HMBOX1: variants seen among roughly 807,000 people sequenced by gnomAD.
The protein encoded by HMBOX1 is homeobox-containing protein 1.
In HMBOX1, 14 loss-of-function variants were observed where a neutral mutation model predicts 54.5. That is an observed-to-expected ratio of 0.26 (90% CI 0.17 to 0.40). The LOEUF is 0.40. HMBOX1 is among the 10% of genes least tolerant of loss of function. The pLI is 1.00. For missense variants in HMBOX1, 332 were observed against 514.4 expected, an observed-to-expected ratio of 0.65 and a Z score of 3.43; for synonymous variants, 160 against 181.0, an observed-to-expected ratio of 0.88 and a Z score of 0.93.
At chr8:28,920,179 G>A (rs892614327) in intron 1 of HMBOX1, among the ~76,000 whole-genome samples, 11 of 151,986 alleles carry the variant, frequency 7.2e-5, no homozygotes, top group African/African-American at 2.2e-4. Context: ...ATTTATATTC[G>A]TTGTTTCTTA....
At chr8:28,920,500 G>T (rs903909481) in intron 1 of HMBOX1, among the ~76,000 whole-genome samples, 1 of 152,114 alleles carries the variant, frequency 6.6e-6, no homozygotes, top group South Asian at 2.1e-4. Flanking sequence ...AGATTATCTC[G>T]TGAGATTTAT....
At chr8:29,043,837 A>G (rs1007782582) in intron 6 of HMBOX1, among the ~76,000 whole-genome samples, 9 of 152,302 alleles carry the variant, frequency 5.9e-5, no homozygotes, top group Admixed American at 6.5e-5. Flanking sequence ...AAGTGAAGCA[A>G]TTATGAGGGT....
chr8:28,948,828 T>C lies in HMBOX1; in HGVS notation c.-57-14983T>C, dbSNP rs556067017. Reference sequence around the variant, plus strand: ...TTAATGAAATCTCTTTCTCCAATTCTATAATATTTCCTTTATTAAGGGTTG... The same window carrying C: ...TTAATGAAATCTCTTTCTCCAATTCCATAATATTTCCTTTATTAAGGGTTG... On this transcript the variant is annotated intron_variant, in intron 1 of 9. Coordinates refer to ENST00000287701, the MANE Select transcript of HMBOX1 (RefSeq NM_001135726.3). Among the ~76,000 whole-genome samples, 4 of 152,286 alleles carry C rather than the reference T, an allele frequency of 2.6e-5. No individual in the cohort carries two copies. In the South Asian group the frequency reaches 6.2e-4, roughly 24 times the overall value.
At chr8:29,003,320 G>A (rs896527115) in intron 4 of HMBOX1, among the ~76,000 whole-genome samples, 16 of 151,416 alleles carry the variant, frequency 1.1e-4, no homozygotes, top group Admixed American at 2.0e-4. Flanking sequence ...CTGCAGTATC[G>A]AATAATAGGT....
chr8:28,988,761 A>G (rs1199319872), intron 4 of HMBOX1, among the ~76,000 whole-genome samples: 1 of 150,890 alleles, frequency 6.6e-6, no homozygotes, highest in South Asian at 2.1e-4. Context: ...TCTTTTGTCT[A>G]TTTTTTTTAA....
chr8:28,965,780 C>A (rs1826328486), intron 2 of HMBOX1, among the ~76,000 whole-genome samples: 1 of 152,146 alleles, frequency 6.6e-6, no homozygotes, highest in African/African-American at 2.4e-5. Flanking sequence ...GTCTGTTAAG[C>A]TCTTGAGTGT....
intron 1 of HMBOX1, among the ~76,000 whole-genome samples, chr8:28,924,191 C>G (rs1405047771): frequency 3.3e-5 from 5 of 150,866 alleles, no homozygotes; most frequent in African/African-American, 1.2e-4. Flanking sequence ...ACTGCAAGCT[C>G]CGCCTCCCGG....
At chr8:28,933,226 A>G (rs1412140651) in intron 1 of HMBOX1, among the ~76,000 whole-genome samples, 6 of 152,134 alleles carry the variant, frequency 3.9e-5, no homozygotes, top group African/African-American at 1.4e-4. Flanking sequence ...TAAATACCAA[A>G]AAACCATACC....
At chr8:28,898,161 A>G (rs916733021) in intron 1 of HMBOX1, among the ~76,000 whole-genome samples, 11 of 152,224 alleles carry the variant, frequency 7.2e-5, no homozygotes, top group Non-Finnish European at 1.5e-4. Context: ...GTATTAACAA[A>G]TAAAGGTAGA....
chr8:28,987,918 T>C (rs932720511), intron 4 of HMBOX1, among the ~76,000 whole-genome samples: 1 of 152,238 alleles, frequency 6.6e-6, no homozygotes, highest in Non-Finnish European at 1.5e-5. Flanking sequence ...AGGGGAAATT[T>C]GTTTTTTCCT....
rs537822293 is a variant in HMBOX1 at position 29,050,904 on chromosome 8, C to T, written c.1126-114C>T. 5.3e-5 allele frequency: 50 copies of T among 937,554 alleles called. No homozygotes were observed. The East Asian group carries it at 6.5e-4, about 12-fold the overall frequency. The allele number at this position is 937,554 out of a possible 1,614,324, so 58.1% of individuals were successfully genotyped here. A position where few individuals can be genotyped will look rare whatever the true frequency, so the allele number is the denominator to read the frequency against. ...ATTTACCTCTATTTTATCATGAGCCCCTCCCCCAGTTTCCTCCCACGAATG... is the reference window on the plus strand; with the variant it reads ...ATTTACCTCTATTTTATCATGAGCCTCTCCCCCAGTTTCCTCCCACGAATG... On this transcript the variant is annotated intron_variant, in intron 9 of 9. Coordinates refer to ENST00000287701, the MANE Select transcript of HMBOX1 (RefSeq NM_001135726.3).
Position 28,991,666 on chromosome 8 carries a change from A to C in HMBOX1, c.586+11510A>C, listed in dbSNP as rs115240000. 4.6e-3 allele frequency among the ~76,000 whole-genome samples: 700 copies of C among 152,146 alleles called. 4 individuals carry two copies. Among genetic ancestry groups the C allele is most frequent in the African/African-American group, 0.016 (657 of 41,504 alleles). ...GTCATTTTAAGGACTAGAATATGCTATTTTCTTAAGTGTTTTTTTCTCCCT... is the reference window on the plus strand; with the variant it reads ...GTCATTTTAAGGACTAGAATATGCTCTTTTCTTAAGTGTTTTTTTCTCCCT... On this transcript the variant is annotated intron_variant, in intron 4 of 9. Coordinates refer to ENST00000287701, the MANE Select transcript of HMBOX1 (RefSeq NM_001135726.3).
chr8:29,044,206 ATT>A (rs1805250953), intron 6 of HMBOX1, among the ~76,000 whole-genome samples: 1 of 152,160 alleles, frequency 6.6e-6, no homozygotes, highest in South Asian at 2.1e-4. Flanking sequence ...ATAGGATGGC[ATT>A]TCCACCAATG....
At chr8:28,969,418 A>T (rs892428398) in intron 2 of HMBOX1, among the ~76,000 whole-genome samples, 3 of 152,144 alleles carry the variant, frequency 2.0e-5, no homozygotes, top group Admixed American at 2.0e-4. Flanking sequence ...ATTACCAGAG[A>T]TGGAAAACTT....
chr8:28,982,092 G>T (rs1829430961), intron 4 of HMBOX1, among the ~76,000 whole-genome samples: 1 of 152,146 alleles, frequency 6.6e-6, no homozygotes, highest in South Asian at 2.1e-4. Flanking sequence ...AAAAAGCCAG[G>T]CGTGGTGGCG....
At chr8:28,962,627 C>A (rs967988972) in intron 1 of HMBOX1, among the ~76,000 whole-genome samples, 3 of 152,054 alleles carry the variant, frequency 2.0e-5, no homozygotes, top group Non-Finnish European at 2.9e-5. Context: ...TTTCACTGTT[C>A]CCTCTTCCTG....
At chr8:29,015,775 A>G (rs1026107352) in intron 5 of HMBOX1, among the ~76,000 whole-genome samples, 1 of 152,206 alleles carries the variant, frequency 6.6e-6, no homozygotes, top group Non-Finnish European at 1.5e-5. Flanking sequence ...AAAGGGCCAG[A>G]CAGTAAATAT....
At chr8:28,901,160 C>T (rs1310087866) in intron 1 of HMBOX1, among the ~76,000 whole-genome samples, 1 of 152,050 alleles carries the variant, frequency 6.6e-6, no homozygotes, top group Non-Finnish European at 1.5e-5. Flanking sequence ...TTGTCCTGTT[C>T]TTTTTCCTAG....
At chr8:29,005,572 G>A (rs755925641) in intron 4 of HMBOX1, among the ~76,000 whole-genome samples, 1 of 151,772 alleles carries the variant, frequency 6.6e-6, no homozygotes, top group Non-Finnish European at 1.5e-5. Flanking sequence ...TTTTTGGGGC[G>A]ACTTTTTAAA....
Sources: gnomAD v4.1 joint callset for allele counts (sites outside exome capture counted in the v4.1 genomes callset) on GRCh38, gnomAD v4.1.1 for gene constraint, MANE v1.5 for transcripts, NCBI Gene and HGNC (gene_info 2026-07-23, HGNC 2026-07-21) for gene names.